The following BICDL1 variants were observed in gnomAD, a reference collection of about 807,000 sequenced individuals.
The protein encoded by BICDL1 is BICD family like cargo adaptor 1.
Under a neutral mutation model 76.8 loss-of-function variants are expected in BICDL1, and 20 were observed. That is an observed-to-expected ratio of 0.26 (90% CI 0.18 to 0.38). The LOEUF is 0.38. Ranked by LOEUF, BICDL1 falls within the 10% of genes least tolerant of loss-of-function variation. The pLI, the probability that BICDL1 is intolerant of heterozygous loss-of-function variation, is 1.00. For synonymous variants in BICDL1, 383 were observed against 337.1 expected (o/e 1.14, Z -1.49); for missense variants, 700 against 798.6 (o/e 0.88, Z 1.49).
At chr12:120,089,280 GT>G (rs1874728448) in intron 8 of BICDL1, among the ~76,000 whole-genome samples, 1 of 139,386 alleles carries the variant, frequency 7.2e-6, no homozygotes, top group African/African-American at 3.1e-5. Flanking sequence ...ACGTGTGTGT[GT>G]GTGTGTGTAT....
At chr12:120,006,389 A>G (rs964589089) in intron 2 of BICDL1, among the ~76,000 whole-genome samples, 5 of 152,224 alleles carry the variant, frequency 3.3e-5, no homozygotes, top group Admixed American at 6.5e-5. Context: ...TGCACCTACT[A>G]TGTATGAAGT....
At chr12:120,070,569 CTAT>C (rs1873008164) in intron 4 of BICDL1, among the ~76,000 whole-genome samples, 1 of 152,240 alleles carries the variant, frequency 6.6e-6, no homozygotes, top group East Asian at 1.9e-4. Context: ...AACTACAGTA[CTAT>C]TATACCAAAA....
chr12:120,089,877 C>G (rs911198364), intron 8 of BICDL1, 74 bp from the exon 9 acceptor site: 34 of 1,564,616 alleles, frequency 2.2e-5, no homozygotes, highest in Admixed American at 3.7e-5. Flanking sequence ...CCTGGGACTC[C>G]AGGTGCCCCA....
At position 119,989,614 on chromosome 12, in the gene BICDL1, G is replaced by A. The variant is rs1951468776; in HGVS notation, c.-255G>A. ...CCTTCCCGTTCCCACCACCTACTCC[G>A]CCACTACCCCCACCCCCTCCTCCCG... On this transcript the variant is annotated 5_prime_UTR_variant, in exon 1 of 10. Coordinates refer to ENST00000548673, the MANE Select transcript of BICDL1 (RefSeq NM_001367886.1). Among the ~76,000 whole-genome samples the A allele has an allele frequency of 6.7e-6, 1 of 149,416 alleles. No individual in the cohort carries two copies. Among genetic ancestry groups the A allele is most frequent in the African/African-American group, 2.4e-5 (1 of 40,940 alleles).
At chr12:120,031,325 T>A (rs941291560) in intron 2 of BICDL1, among the ~76,000 whole-genome samples, 34 of 150,822 alleles carry the variant, frequency 2.3e-4, no homozygotes, top group African/African-American at 6.8e-4. Context: ...TGCCTCAGCC[T>A]CCTCAGTAGC....
chr12:120,066,545 A>G (rs1338358915), intron 4 of BICDL1, among the ~76,000 whole-genome samples: 1 of 152,208 alleles, frequency 6.6e-6, no homozygotes, highest in Non-Finnish European at 1.5e-5. Context: ...GAATCCCGTC[A>G]TGCCACATGC....
intron 2 of BICDL1, among the ~76,000 whole-genome samples, chr12:120,024,878 A>G (rs968309388): frequency 6.6e-6 from 1 of 151,724 alleles, no homozygotes; most frequent in African/African-American, 2.4e-5. Context: ...GATTTTCACC[A>G]TGTTGGCCAG....
intron 2 of BICDL1, among the ~76,000 whole-genome samples, chr12:120,061,111 T>C (rs1194148591): frequency 6.6e-6 from 1 of 152,172 alleles, no homozygotes; most frequent in Non-Finnish European, 1.5e-5. Context: ...ATTTTAGCAT[T>C]AGATCATAAA....
At chr12:120,081,787 A>G (rs991627584) in intron 8 of BICDL1, among the ~76,000 whole-genome samples, 1 of 151,496 alleles carries the variant, frequency 6.6e-6, no homozygotes, top group African/African-American at 2.4e-5. Context: ...TCTCAGCCTC[A>G]ATACTAATTA....
At chr12:119,997,832 G>C (rs986940201) in intron 1 of BICDL1, among the ~76,000 whole-genome samples, 2 of 152,078 alleles carry the variant, frequency 1.3e-5, no homozygotes, top group African/African-American at 4.8e-5. Flanking sequence ...AAGTAAGGAG[G>C]GGGTGGGGCA....
chr12:120,074,755 G>C (rs1471536855), intron 7 of BICDL1, among the ~76,000 whole-genome samples, 169 bp downstream of exon 7: 1 of 152,234 alleles, frequency 6.6e-6, no homozygotes, highest in Non-Finnish European at 1.5e-5. Flanking sequence ...GTCTTCAAGA[G>C]AAGAACCCAG....
At chr12:120,009,033 G>T (rs1177935522) in intron 2 of BICDL1, among the ~76,000 whole-genome samples, 4 of 151,530 alleles carry the variant, frequency 2.6e-5, no homozygotes, top group African/African-American at 7.3e-5. Context: ...CTGTCACCAG[G>T]CTGGAGTGCA....
At chr12:120,052,731 C>T (rs1384354869) in intron 2 of BICDL1, among the ~76,000 whole-genome samples, 1 of 152,244 alleles carries the variant, frequency 6.6e-6, no homozygotes, top group Non-Finnish European at 1.5e-5. Flanking sequence ...GTTCTCTGGT[C>T]TTGCCTGCAG....
chr12:120,064,877 C>A lies in BICDL1; in HGVS notation c.907C>A (p.Gln303Lys). 1 of 1,607,168 alleles carries A rather than the reference C, an allele frequency of 6.2e-7. No individual in the cohort carries two copies. The highest frequency in any genetic ancestry group is 8.5e-7 in the Non-Finnish European group (1 of 1,177,424). The change falls in exon 4 of 10, where the codon CAG becomes AAG. Residue 303 changes from glutamine to lysine, a missense_variant and splice_region_variant. Physicochemically the swap from Gln to Lys is moderately conservative, Grantham distance 53 (BLOSUM62 1). Coordinates refer to ENST00000548673, the MANE Select transcript of BICDL1 (RefSeq NM_001367886.1). ...LERQGHDKDL[Q>K]LHQSQLELQE... ...GAGGCAGGGCCATGACAAGGACCTA[C>A]AGGTACTGGGGTAGAGAAGCTGTCC...
chr12:120,086,392 A>C (rs1274656304), intron 8 of BICDL1, among the ~76,000 whole-genome samples: 1 of 152,232 alleles, frequency 6.6e-6, no homozygotes, highest in East Asian at 1.9e-4. Context: ...CATATACGTT[A>C]TCTCTGATTC....
At chr12:120,084,170 T>C (rs1254213550) in intron 8 of BICDL1, among the ~76,000 whole-genome samples, 2 of 151,934 alleles carry the variant, frequency 1.3e-5, no homozygotes, top group Non-Finnish European at 2.9e-5. Context: ...GCCCTGCTAA[T>C]TTTTTGTATT....
Position 120,079,565 on chromosome 12 carries a change from A to C in BICDL1, c.1453-1322A>C, listed in dbSNP as rs1241467647. 6.6e-6 allele frequency among the ~76,000 whole-genome samples: 1 copy of C among 152,124 alleles called. No individual in the cohort carries two copies. The highest frequency in any genetic ancestry group is 2.4e-5 in the African/African-American group (1 of 41,416). On this transcript the variant is annotated intron_variant, in intron 7 of 9. Transcript: ENST00000548673. This position sits in a 1 kb window ranked among gnomAD's most constrained non-coding sequence, Gnocchi z 4.3. ...CATGAAGGCAGGGCTAGGCATCCTG[A>C]CTCACGTCTGATCTTATCAACTGAG...
rs147935575 is a variant in BICDL1, at chr12:120,052,874, C to T, written c.646-8836C>T. ...GCAACCTCTGCCTCCTAGGTTCAAG[C>T]GATTCTCCTGCCTCAGCCTCCTGAG... On this transcript the variant is annotated intron_variant, in intron 2 of 9. Coordinates refer to ENST00000548673, the MANE Select transcript of BICDL1 (RefSeq NM_001367886.1). 5.6e-4 allele frequency among the ~76,000 whole-genome samples: 85 copies of T among 152,230 alleles called. 1 individual carries two copies. In the East Asian group the frequency reaches 0.013, roughly 24 times the overall value.
rs1274381464 is a variant in BICDL1, at chr12:120,079,098, TC to T, written c.1453-1786del. Among the ~76,000 whole-genome samples the T allele has an allele frequency of 6.6e-6, 1 of 152,214 alleles. No homozygotes were observed. Among genetic ancestry groups the T allele is most frequent in the East Asian group, 1.9e-4 (1 of 5,200 alleles). ...GGCTTCCGCCCTCCTCACCCAGCTGTCCCTACCGGAAAAGCTGCTGCTTTGG... is the reference window on the plus strand; with the variant it reads ...GGCTTCCGCCCTCCTCACCCAGCTGTCCTACCGGAAAAGCTGCTGCTTTGG... On this transcript the variant is annotated intron_variant, in intron 7 of 9. Transcript: ENST00000548673. The surrounding 1 kb of genome is among the most constrained non-coding windows in gnomAD (Gnocchi z 4.3).
Sources: gnomAD v4.1 joint callset for allele counts (sites outside exome capture counted in the v4.1 genomes callset) on GRCh38, gnomAD v4.1.1 for gene constraint, Gnocchi (gnomAD v3.1) non-coding constraint, MANE v1.5 for transcripts, NCBI Gene and HGNC (gene_info 2026-07-23, HGNC 2026-07-21) for gene names.